The following ADGRA1 variants were observed in gnomAD, a reference collection of about 807,000 sequenced individuals.
The protein encoded by ADGRA1 is adhesion G protein-coupled receptor A1, also known as G-protein coupled receptor 123.
ADGRA1 carries 12 observed loss-of-function variants against 21.3 expected under a neutral mutation model. The observed-to-expected ratio is 0.56, with a 90% CI of 0.36 to 0.91. The LOEUF (loss-of-function observed/expected upper bound fraction) is 0.91. Among genes scored for constraint, ADGRA1 ranks in the 40% least tolerant of loss-of-function variants. The pLI is 0.01. For missense variants in ADGRA1, 790 were observed against 805.6 expected, an observed-to-expected ratio of 0.98 and a Z score of 0.23; for synonymous variants, 385 against 368.8, an observed-to-expected ratio of 1.04 and a Z score of -0.50.
intron 5 of ADGRA1, among the ~76,000 whole-genome samples, chr10:133,108,156 C>G (rs1267400536): frequency 2.0e-4 from 31 of 152,248 alleles, no homozygotes; most frequent in Admixed American, 2.0e-3. Flanking sequence ...CCCGAGCACA[C>G]CTGGGAGTGT....
At chr10:133,104,452 G>A (rs757619517) in intron 5 of ADGRA1, among the ~76,000 whole-genome samples, 2 of 152,188 alleles carry the variant, frequency 1.3e-5, no homozygotes, top group African/African-American at 4.8e-5. Flanking sequence ...GCCAATGCGC[G>A]CCGCAGAGCC....
chr10:133,110,880 T>C (rs1393686321), intron 5 of ADGRA1, among the ~76,000 whole-genome samples: 1 of 152,174 alleles, frequency 6.6e-6, no homozygotes, highest in Non-Finnish European at 1.5e-5. Flanking sequence ...GAGTGATGTC[T>C]GCATGGGGCC....
intron 5 of ADGRA1, among the ~76,000 whole-genome samples, chr10:133,111,988 C>A: frequency 9.4e-6 from 1 of 105,974 alleles, no homozygotes; most frequent in Non-Finnish European, 2.0e-5. Flanking sequence ...CACCTCCCTC[C>A]TAATGCCTCC....
At chr10:133,112,977 CGTCAGTTATTTGGGGTCTATAAGCTGT>C (rs1852086353) in intron 5 of ADGRA1, among the ~76,000 whole-genome samples, 1 of 132,354 alleles carries the variant, frequency 7.6e-6, no homozygotes, top group Admixed American at 7.9e-5. Flanking sequence ...CTGCGGGCCG[CGTCAGTTATTTGGGGTCTATAAGCTGT>C]GTCAGTTATT....
At chr10:133,125,368 T>G (rs1852358239) in intron 5 of ADGRA1, among the ~76,000 whole-genome samples, 1 of 152,240 alleles carries the variant, frequency 6.6e-6, no homozygotes, top group Non-Finnish European at 1.5e-5. Context: ...CCATTTCTCC[T>G]TTACTTCCTT....
rs980453980 is a variant in ADGRA1, at chr10:133,128,310, G to A, written c.501-19G>A. The A allele has an allele frequency of 2.0e-6, 3 of 1,514,290 alleles. No individual in the cohort carries two copies. The highest frequency in any genetic ancestry group is 2.1e-5 in the Admixed American group (1 of 46,616). The allele number at this position is 1,514,290 out of a possible 1,614,324, so 93.8% of individuals were successfully genotyped here. ...TGGCCGTGCTGGCCCCGCTGACACTGACGTGCGTCTCCCCACAGCTGCTGG... is the reference window on the plus strand; with the variant it reads ...TGGCCGTGCTGGCCCCGCTGACACTAACGTGCGTCTCCCCACAGCTGCTGG... On this transcript the variant is annotated intron_variant, in intron 6 of 6. Coordinates refer to ENST00000392607, the MANE Select transcript of ADGRA1 (RefSeq NM_001083909.3).
chr10:133,112,373 T>TGTCGGTTATTTGGGGTCTATGGGCTAC (rs1852052486), intron 5 of ADGRA1, among the ~76,000 whole-genome samples: 2 of 121,398 alleles, frequency 1.6e-5, no homozygotes, highest in South Asian at 2.9e-4. Context: ...CTGCGGGCCG[T>TGTCGGTTATTTGGGGTCTATGGGCTAC]GTCGGTTATT....
chr10:133,096,187 G>C (rs1468179113), intron 2 of ADGRA1, among the ~76,000 whole-genome samples: 1 of 152,184 alleles, frequency 6.6e-6, no homozygotes, highest in Non-Finnish European at 1.5e-5. Context: ...TCCTGGGCCT[G>C]TGCACGCATG....
At chr10:133,112,322 C>T (rs1218830714) in intron 5 of ADGRA1, among the ~76,000 whole-genome samples, 2 of 151,542 alleles carry the variant, frequency 1.3e-5, no homozygotes, top group Admixed American at 6.6e-5. Context: ...CGGGCCGCAT[C>T]GGTTATCTGG....
rs777229765 is a variant in ADGRA1 at position 133,128,848 on chromosome 10, C to T, written c.1020C>T (p.Arg340=). 93 of 1,586,082 alleles carry T rather than the reference C, an allele frequency of 5.9e-5. No homozygotes were observed. The highest frequency in any genetic ancestry group is 4.6e-4 in the South Asian group (41 of 88,864). Residue 340 remains arginine (R), a synonymous_variant, in exon 7 of 7, where the codon CGC becomes CGT. Coordinates refer to ENST00000392607, the MANE Select transcript of ADGRA1 (RefSeq NM_001083909.3). ...ALDANGAALG[R]AACLHSPGLG... is the part of the protein sequence containing the mutation. Reference sequence around the variant, plus strand: ...ACGCCAACGGGGCCGCGCTGGGCCGCGCCGCCTGCCTGCACTCGCCGGGAC... The same window carrying T: ...ACGCCAACGGGGCCGCGCTGGGCCGTGCCGCCTGCCTGCACTCGCCGGGAC...
intron 5 of ADGRA1, among the ~76,000 whole-genome samples, chr10:133,111,284 C>A (rs545623132): frequency 1.1e-5 from 1 of 89,146 alleles, no homozygotes; most frequent in Non-Finnish European, 2.1e-5. Flanking sequence ...CTAATCCCAC[C>A]AGACAACCTG....
chr10:133,101,218 G>T (rs1851787550), intron 4 of ADGRA1, among the ~76,000 whole-genome samples: 1 of 152,016 alleles, frequency 6.6e-6, no homozygotes. Context: ...CCCCGCCCTT[G>T]TCACACCCAC....
intron 2 of ADGRA1, among the ~76,000 whole-genome samples, chr10:133,090,323 C>CGGGGCCACCCGGTCCCAGCCG (rs1415552665): frequency 6.6e-6 from 1 of 152,346 alleles, no homozygotes; most frequent in East Asian, 1.9e-4. Flanking sequence ...CTCCTCGGCC[C>CGGGGCCACCCGGTCCCAGCCG]GGGGCCACCC....
chr10:133,098,733 T>G lies in ADGRA1; in HGVS notation c.225T>G (p.Asn75Lys). Residue 75 changes from asparagine to lysine, a missense_variant, in exon 4 of 7, where the codon AAT (asparagine) becomes AAG (lysine). Transcript: ENST00000392607. ...LTFTVFAGGI[N>K]RTKYPILCQA... ...TCACTGTGTTCGCCGGCGGCATCAA[T>G]CGCACCAAGTACCCCATCCTGTGCC... 2 of 1,611,860 alleles carry G rather than the reference T, an allele frequency of 1.2e-6. No individual in the cohort carries two copies. Among genetic ancestry groups the G allele is most frequent in the Non-Finnish European group, 1.7e-6 (2 of 1,179,966 alleles).
chr10:133,111,911 CTCCAG>C, intron 5 of ADGRA1, among the ~76,000 whole-genome samples: 1 of 87,994 alleles, frequency 1.1e-5, no homozygotes, highest in African/African-American at 4.5e-5. Flanking sequence ...CTCCTAATGC[CTCCAG>C]ACCACCTGCC....
chr10:133,095,484 C>T (rs931887250), intron 2 of ADGRA1, among the ~76,000 whole-genome samples: 1 of 152,248 alleles, frequency 6.6e-6, no homozygotes, highest in Non-Finnish European at 1.5e-5. Flanking sequence ...TGCGGCCCCA[C>T]AGCGACGCCC....
At chr10:133,110,454 T>A (rs964237138) in intron 5 of ADGRA1, among the ~76,000 whole-genome samples, 1 of 149,080 alleles carries the variant, frequency 6.7e-6, no homozygotes, top group Non-Finnish European at 1.5e-5. Flanking sequence ...TATCAGGCAG[T>A]GCGTGGGGAA....
chr10:133,098,900 G>A (rs558941686), intron 4 of ADGRA1, 137 bp downstream of exon 4: 28 of 1,208,570 alleles, frequency 2.3e-5, no homozygotes, highest in African/African-American at 1.4e-4. Context: ...TCGGTGTCTC[G>A]GCTTCACGCC....
At chr10:133,111,391 A>C (rs1852002722) in intron 5 of ADGRA1, among the ~76,000 whole-genome samples, 1 of 80,736 alleles carries the variant, frequency 1.2e-5, no homozygotes, top group Non-Finnish European at 2.1e-5. Context: ...CACCACGGAC[A>C]CCTCCCTCCT....
Sources: gnomAD v4.1 joint callset for allele counts (sites outside exome capture counted in the v4.1 genomes callset) on GRCh38, gnomAD v4.1.1 for gene constraint, MANE v1.5 for transcripts, NCBI Gene and HGNC (gene_info 2026-07-23, HGNC 2026-07-21) for gene names.